Variants in MUC6 observed in about 807,000 individuals in gnomAD.
MUC6 encodes the protein mucin-6.
In MUC6, 188 loss-of-function variants were observed where a neutral mutation model predicts 201.5. That is an observed-to-expected ratio of 0.93 (90% CI 0.83 to 1.05). MUC6 has a LOEUF of 1.05. Among genes scored for constraint, MUC6 ranks in the 50% least tolerant of loss-of-function variants. The pLI, the probability that MUC6 is intolerant of heterozygous loss-of-function variation, is 0.00. For synonymous variants in MUC6, 1,228 were observed against 1,389.4 expected, an observed-to-expected ratio of 0.88 and a Z score of 2.58; for missense variants, 2,706 against 3,256.9, an observed-to-expected ratio of 0.83 and a Z score of 4.12.
rs1208335184 is a variant in MUC6 at position 1,028,325 on chromosome 11, C to T, written c.1654G>A (p.Glu552Lys). ...DDFTTSMGIA[E>K]GTASLFVDSW... ...TCCACAAACAGCGAGGCGGTGCCCT[C>T]GGCGATACCCATGCTAGTGGTGAAG... Residue 552 changes from glutamate (E) to lysine (K), a missense_variant, in exon 14 of 33, where the codon GAG (glutamate) becomes AAG (lysine). Coordinates refer to ENST00000421673, the MANE Select transcript of MUC6 (RefSeq NM_005961.3). 5.0e-6 allele frequency: 8 copies of T among 1,612,290 alleles called. No homozygotes were observed. The highest frequency in any genetic ancestry group is 2.7e-5 in the African/African-American group (2 of 74,912).
In MUC6 at chr11:1,026,157, G is replaced by T; in HGVS notation, c.2547-16C>A. The T allele has an allele frequency of 6.3e-7, 1 of 1,585,024 alleles. No homozygotes were observed. The highest frequency in any genetic ancestry group is 8.6e-7 in the Non-Finnish European group (1 of 1,167,000). On this transcript the variant is annotated splice_polypyrimidine_tract_variant and intron_variant, in intron 20 of 32. Coordinates refer to ENST00000421673, the MANE Select transcript of MUC6 (RefSeq NM_005961.3). The stretch of plus-strand genomic sequence containing the variant: ...TGAGCAGGAGCTGTGGAGACAGCAG[G>T]TGTGGGTGGTGGGCCTGCGGCCCTC...
Position 1,019,204 on chromosome 11 carries a change from C to G in MUC6, c.4030+71G>C, listed in dbSNP as rs1262145049. On this transcript the variant is annotated intron_variant, in intron 30 of 32. Transcript: ENST00000421673. Reference sequence around the variant, plus strand: ...TACGGGGTCTTCTTTATGGCTGAATCACTGAATGTGAGCTGGTGGTGGGAC... The same window carrying G: ...TACGGGGTCTTCTTTATGGCTGAATGACTGAATGTGAGCTGGTGGTGGGAC... The G allele has an allele frequency of 7.4e-6, 11 of 1,491,176 alleles. No individual in the cohort carries two copies. In the Admixed American group the frequency reaches 9.1e-5, roughly 12 times the overall value. 92.4% of individuals were successfully genotyped at this position (1,491,176 alleles called of 1,614,324 possible). A position where few individuals can be genotyped will look rare whatever the true frequency, so the allele number is the denominator to read the frequency against.
intron 15 of MUC6, 73 bp downstream of exon 15, chr11:1,027,892 C>T (rs971566357): frequency 6.4e-7 from 1 of 1,571,460 alleles, no homozygotes; most frequent in African/African-American, 1.3e-5. Flanking sequence ...AACCTATGCC[C>T]TTGGGTGCCT....
At chr11:1,035,758 G>A (rs1590058233) in intron 1 of MUC6, among the ~76,000 whole-genome samples, 2 of 152,254 alleles carry the variant, frequency 1.3e-5, no homozygotes, top group South Asian at 2.1e-4. Flanking sequence ...GCTCTGTCAC[G>A]CCAGCGTCCA....
chr11:1,015,982 G>A lies in MUC6; in HGVS notation c.6819C>T (p.Ser2273=), dbSNP rs149341483. Residue 2273 remains serine, a synonymous_variant, in exon 31 of 33, where the codon TCC becomes TCT. Transcript: ENST00000421673. ...AFSSQSTTSR[S]TSLTTRVPTS... Reference sequence around the variant, plus strand: ...TGGGAACTCGGGTGGTGAGAGAAGTGGACCGCGAGGTGGTGGACTGAGAGG... The same window carrying A: ...TGGGAACTCGGGTGGTGAGAGAAGTAGACCGCGAGGTGGTGGACTGAGAGG... 2,631 of 1,597,070 alleles carry A rather than the reference G, an allele frequency of 1.6e-3. 52 individuals are homozygous for A. In the African/African-American group the frequency reaches 0.032, roughly 19 times the overall value.
Position 1,023,508 on chromosome 11 carries a change from C to T in MUC6, c.3526+1G>A. The T allele has an allele frequency of 6.3e-7, 1 of 1,575,240 alleles. No individual in the cohort carries two copies. Among genetic ancestry groups the T allele is most frequent in the South Asian group, 1.2e-5 (1 of 86,152 alleles). On this transcript the variant is annotated splice_donor_variant, in intron 26 of 32. Transcript: ENST00000421673. LOFTEE classifies it high-confidence loss of function. ...TGCGTTGCCTCCCGGTCACCTGGCA[C>T]CTTCGATGTTGCTGCCTGGGACGCT... is the stretch of plus-strand genomic sequence containing the variant.
At chr11:1,031,415 G>A (rs1415283029) in intron 4 of MUC6, among the ~76,000 whole-genome samples, 156 bp from the exon 5 acceptor site, 2 of 152,020 alleles carry the variant, frequency 1.3e-5, no homozygotes, top group Non-Finnish European at 2.9e-5. Flanking sequence ...CAGTGGAGAA[G>A]CCGAGTCACC....
At chr11:1,030,548 C>A in intron 7 of MUC6, 25 bp downstream of exon 7, 1 of 1,473,338 alleles carries the variant, frequency 6.8e-7, no homozygotes, top group Non-Finnish European at 9.0e-7. Context: ...CTTCCTGCCC[C>A]TCCCTCTCCC....
intron 29 of MUC6, chr11:1,019,775 T>A: frequency 1.6e-6 from 1 of 618,224 alleles, no homozygotes; most frequent in East Asian, 2.7e-5. Context: ...CCCTCCAGGG[T>A]CCCTGGGCAG....
Position 1,026,483 on chromosome 11 carries a change from A to T in MUC6, c.2395-5T>A. On this transcript the variant is annotated splice_polypyrimidine_tract_variant and splice_region_variant and intron_variant, in intron 19 of 32. Coordinates refer to ENST00000421673, the MANE Select transcript of MUC6 (RefSeq NM_005961.3). Reference sequence around the variant, plus strand: ...AGGCTCACACTTGGTGGGCACCTGGAGGGAGGCAGGTCAGCAGCTCCTGGG... The same window carrying T: ...AGGCTCACACTTGGTGGGCACCTGGTGGGAGGCAGGTCAGCAGCTCCTGGG... 5 of 1,579,816 alleles carry T rather than the reference A, an allele frequency of 3.2e-6. No individual in the cohort carries two copies. The highest frequency in any genetic ancestry group is 4.3e-6 in the Non-Finnish European group (5 of 1,164,002).
In MUC6 at chr11:1,031,809, C is replaced by G. The variant is rs754652290; in HGVS notation, c.356+4G>C. On this transcript the variant is annotated splice_donor_region_variant and intron_variant, in intron 3 of 32. Coordinates refer to ENST00000421673, the MANE Select transcript of MUC6 (RefSeq NM_005961.3). ...GCCCCCGGGCCCCGGCCCACCTGACCTACCCGATGTCCTTGACTGAGATGA... is the reference window on the plus strand; with the variant it reads ...GCCCCCGGGCCCCGGCCCACCTGACGTACCCGATGTCCTTGACTGAGATGA... 6.3e-6 allele frequency: 10 copies of G among 1,597,082 alleles called. No homozygotes were observed. The African/African-American group carries it at 1.3e-4, about 21-fold the overall frequency.
Position 1,026,529 on chromosome 11 carries a change from C to T in MUC6, c.2395-51G>A, listed in dbSNP as rs373528079. On this transcript the variant is annotated intron_variant, in intron 19 of 32. Transcript: ENST00000421673. ...CTGGGAGGGTGGCCTCAGCCAGCTG[C>T]TGCCCAGCCCTGGGCCCCTCTGAGA... 14 of 1,496,824 alleles carry T rather than the reference C, an allele frequency of 9.4e-6. No individual in the cohort carries two copies. In the African/African-American group the frequency reaches 1.1e-4, roughly 12 times the overall value. 92.7% of individuals were successfully genotyped at this position (1,496,824 alleles called of 1,614,324 possible).
intron 30 of MUC6, 113 bp downstream of exon 30, chr11:1,019,162 G>T: frequency 8.0e-7 from 1 of 1,256,626 alleles, no homozygotes; most frequent in Non-Finnish European, 1.1e-6. Flanking sequence ...CTGCCTTCTC[G>T]CTTGCCCTCT....
At position 1,026,816 on chromosome 11, in the gene MUC6, C is replaced by T. The variant is rs755572390; in HGVS notation, c.2394+125G>A. 42 of 1,056,250 alleles carry T rather than the reference C, an allele frequency of 4.0e-5. 1 individual carries two copies. In the South Asian group the frequency reaches 4.2e-4, roughly 11 times the overall value. 65.4% of individuals were successfully genotyped at this position (1,056,250 alleles called of 1,614,324 possible). On this transcript the variant is annotated intron_variant, in intron 19 of 32. Transcript: ENST00000421673. ...CCTGGCCACAGGGCCGCTTCCACCT[C>T]GTGGCCAGCCCCAGGCACCCGCTGC...
chr11:1,021,258 C>T lies in MUC6; in HGVS notation c.3546G>A (p.Gln1182=), dbSNP rs778150167. Residue 1182 remains glutamine, a synonymous_variant, in exon 27 of 33, where the codon CAG becomes CAA. Coordinates refer to ENST00000421673, the MANE Select transcript of MUC6 (RefSeq NM_005961.3). ...SNIEGCYNCS[Q]DEYFDHEEGV... ...CCTCCTCGTGGTCGAAGTACTCATC[C>T]TGGGAGCAGTTGTAGCAGCCTAGGG... 3 of 1,588,094 alleles carry T rather than the reference C, an allele frequency of 1.9e-6. No homozygotes were observed. The South Asian group carries it at 3.4e-5, about 18-fold the overall frequency.
chr11:1,020,332 T>C, intron 28 of MUC6, 75 bp from the exon 29 acceptor site: 3 of 1,519,204 alleles, frequency 2.0e-6, no homozygotes, highest in Non-Finnish European at 2.7e-6. Context: ...CTCTGCCTGC[T>C]TGGCCCTGAA....
In MUC6 at chr11:1,033,026, G is replaced by A; in HGVS notation, c.102C>T (p.Asp34=). The change falls in exon 2 of 33, where the codon GAC becomes GAT. Residue 34 remains aspartate (D), a synonymous_variant. Coordinates refer to ENST00000421673, the MANE Select transcript of MUC6 (RefSeq NM_005961.3). The surrounding 1 kb of genome is among the most constrained non-coding windows in gnomAD (Gnocchi z 5.6). ...YTSPGLQRLK[D]SPQTAPDKGQ... Reference sequence around the variant, plus strand: ...CTGTGTTCTTACCTGTCTGTGGAGAGTCCTTCAGCCTCTGGAGGCCTGGGC... The same window carrying A: ...CTGTGTTCTTACCTGTCTGTGGAGAATCCTTCAGCCTCTGGAGGCCTGGGC... 1 of 1,603,568 alleles carries A rather than the reference G, an allele frequency of 6.2e-7. No individual in the cohort carries two copies. Among genetic ancestry groups the A allele is most frequent in the Non-Finnish European group, 8.5e-7 (1 of 1,171,974 alleles).
At chr11:1,030,387 C>CCCCCCCCCCCCCCCCCTT in intron 7 of MUC6, 52 bp from the exon 8 acceptor site, 1 of 1,444,170 alleles carries the variant, frequency 6.9e-7, no homozygotes, top group Non-Finnish European at 9.3e-7. Flanking sequence ...CCACCCCTCC[C>CCCCCCCCCCCCCCCCCTT]TGCCCCACCC....
Position 1,030,791 on chromosome 11 carries a change from C to T in MUC6, c.685-11G>A, listed in dbSNP as rs1407968112. On this transcript the variant is annotated splice_polypyrimidine_tract_variant and intron_variant, in intron 6 of 32. Coordinates refer to ENST00000421673, the MANE Select transcript of MUC6 (RefSeq NM_005961.3). Reference sequence around the variant, plus strand: ...GGTGCAGATCCGGGCCTGGGGGGGCCACTCAGGGTCATGGGGGCAAAGGCC... The same window carrying T: ...GGTGCAGATCCGGGCCTGGGGGGGCTACTCAGGGTCATGGGGGCAAAGGCC... 3.9e-6 allele frequency: 6 copies of T among 1,534,536 alleles called. No homozygotes were observed. Among genetic ancestry groups the T allele is most frequent in the Non-Finnish European group, 5.2e-6 (6 of 1,145,890 alleles).
Sources: gnomAD v4.1 joint callset for allele counts (sites outside exome capture counted in the v4.1 genomes callset) on GRCh38, gnomAD v4.1.1 for gene constraint, Gnocchi (gnomAD v3.1) non-coding constraint, MANE v1.5 for transcripts, NCBI Gene and HGNC (gene_info 2026-07-23, HGNC 2026-07-21) for gene names.